CACNA2D3: variants seen among roughly 807,000 people sequenced by gnomAD.
CACNA2D3 encodes calcium voltage-gated channel auxiliary subunit alpha2delta 3.
A neutral mutation model predicts 160.6 loss-of-function variants in CACNA2D3; 60 were observed. That is an observed-to-expected ratio of 0.37 (90% CI 0.30 to 0.46). CACNA2D3 has a LOEUF of 0.46. CACNA2D3 is among the 20% of genes least tolerant of loss of function. The pLI is 1.00. For missense variants in CACNA2D3, 1,205 were observed against 1,365.0 expected, an observed-to-expected ratio of 0.88 and a Z score of 1.85; for synonymous variants, 558 against 492.9, an observed-to-expected ratio of 1.13 and a Z score of -1.75.
At chr3:54,706,924 C>A (rs1559554623) in intron 11 of CACNA2D3, among the ~76,000 whole-genome samples, 1 of 152,256 alleles carries the variant, frequency 6.6e-6, no homozygotes, top group African/African-American at 2.4e-5. Flanking sequence ...TTCCCTACCT[C>A]TGTTTCTGGC....
intron 4 of CACNA2D3, among the ~76,000 whole-genome samples, chr3:54,426,344 G>T (rs1315878485): frequency 6.6e-6 from 1 of 152,064 alleles, no homozygotes; most frequent in South Asian, 2.1e-4. Context: ...TTAGCCTTCC[G>T]TCTTTGTTAT....
chr3:54,837,758 T>C (rs1404812979), intron 15 of CACNA2D3, among the ~76,000 whole-genome samples: 1 of 152,188 alleles, frequency 6.6e-6, no homozygotes, highest in Non-Finnish European at 1.5e-5. Flanking sequence ...CTCCAATCTC[T>C]GCCTCTGTTT....
chr3:55,074,256 A>AAATC lies in CACNA2D3; in HGVS notation c.*52_*55dup, dbSNP rs1704897197. ...GACTGAGATGTTCTCTTGGCATGCTAAATCATGGATAAACTGTGAACCAAA... is the reference window on the plus strand; with the variant it reads ...GACTGAGATGTTCTCTTGGCATGCTAAATCAATCATGGATAAACTGTGAACCAAA... On this transcript the variant is annotated 3_prime_UTR_variant, in exon 38 of 38. Transcript: ENST00000474759. The AAATC allele has an allele frequency of 2.1e-6, 3 of 1,459,808 alleles. No homozygotes were observed. The highest frequency in any genetic ancestry group is 1.9e-6 in the Non-Finnish European group (2 of 1,038,614). 90.4% of individuals were successfully genotyped at this position (1,459,808 alleles called of 1,614,324 possible). A position where few individuals can be genotyped will look rare whatever the true frequency, so the allele number is the denominator to read the frequency against.
intron 5 of CACNA2D3, among the ~76,000 whole-genome samples, chr3:54,530,274 C>T (rs936972815): frequency 3.3e-5 from 5 of 152,282 alleles, no homozygotes; most frequent in South Asian, 2.1e-4. Context: ...GTTCTGCCTG[C>T]GCTGCTGGTG....
At chr3:54,790,767 C>T (rs542238116) in intron 13 of CACNA2D3, among the ~76,000 whole-genome samples, 127 of 152,294 alleles carry the variant, frequency 8.3e-4, no homozygotes, top group African/African-American at 2.9e-3. Flanking sequence ...CCTAGTGACT[C>T]ACTGAGCTGG....
chr3:54,897,019 A>G lies in CACNA2D3; in HGVS notation c.2368+149A>G, dbSNP rs753409178. The G allele has an allele frequency of 4.9e-5, 43 of 871,428 alleles. 1 individual carries two copies. The highest frequency in any genetic ancestry group is 1.0e-4 in the South Asian group (6 of 58,634). 54.0% of individuals were successfully genotyped at this position (871,428 alleles called of 1,614,324 possible). ...CTGAATATTGGGTCAGCCCTGAACCAGTGACCAGTTCCATAAGAGTAATAG... is the reference window on the plus strand; with the variant it reads ...CTGAATATTGGGTCAGCCCTGAACCGGTGACCAGTTCCATAAGAGTAATAG... On this transcript the variant is annotated intron_variant, in intron 26 of 37. Transcript: ENST00000474759.
At chr3:55,056,041 C>T (rs1325789195) in intron 35 of CACNA2D3, among the ~76,000 whole-genome samples, 2 of 151,990 alleles carry the variant, frequency 1.3e-5, no homozygotes, top group African/African-American at 4.8e-5. Flanking sequence ...TGTTTGTAAG[C>T]CATATACCAG....
intron 3 of CACNA2D3, among the ~76,000 whole-genome samples, chr3:54,360,434 T>C (rs956192072): frequency 6.6e-6 from 1 of 152,230 alleles, no homozygotes; most frequent in African/African-American, 2.4e-5. Flanking sequence ...AATCTGCCTT[T>C]TCAGCTCTGA....
At position 55,004,950 on chromosome 3, in the gene CACNA2D3, A is replaced by C. The variant is rs76175939; in HGVS notation, c.2766+112A>C. 5.1e-3 allele frequency: 3,664 copies of C among 721,590 alleles called. 116 individuals are homozygous for C. The African/African-American group carries it at 0.059, about 12-fold the overall frequency. 44.7% of individuals were successfully genotyped at this position (721,590 alleles called of 1,614,324 possible). A position where few individuals can be genotyped will look rare whatever the true frequency, so the allele number is the denominator to read the frequency against. ...AAGTTTATCTTTTTGCAAAATCATGAACATTTTGACTTTACTCACTTAAAA... is the reference window on the plus strand; with the variant it reads ...AAGTTTATCTTTTTGCAAAATCATGCACATTTTGACTTTACTCACTTAAAA... On this transcript the variant is annotated intron_variant, in intron 32 of 37. Transcript: ENST00000474759.
intron 31 of CACNA2D3, among the ~76,000 whole-genome samples, chr3:54,997,616 T>G (rs544559834): frequency 6.8e-6 from 1 of 147,518 alleles, no homozygotes. Flanking sequence ...GTCCTAGCTA[T>G]CCAGGAGGCT....
intron 11 of CACNA2D3, among the ~76,000 whole-genome samples, chr3:54,750,369 T>G (rs1701834354): frequency 6.6e-6 from 1 of 152,176 alleles, no homozygotes; most frequent in Admixed American, 6.5e-5. Flanking sequence ...TTTTTGTCGG[T>G]CTAGTGTTTC....
At chr3:54,534,891 C>T (rs1559506646) in intron 5 of CACNA2D3, among the ~76,000 whole-genome samples, 2 of 152,302 alleles carry the variant, frequency 1.3e-5, no homozygotes, top group Non-Finnish European at 2.9e-5. Flanking sequence ...TGCACCACTG[C>T]ACTGCAGCCT....
chr3:54,280,625 G>A (rs978488739), intron 2 of CACNA2D3, among the ~76,000 whole-genome samples: 1 of 152,168 alleles, frequency 6.6e-6, no homozygotes, highest in African/African-American at 2.4e-5. Flanking sequence ...CCCCGCCACA[G>A]TTTGGAGCAT....
At chr3:54,293,563 T>TTATATATATATATATA (rs35283142) in intron 2 of CACNA2D3, among the ~76,000 whole-genome samples, 27 of 149,814 alleles carry the variant, frequency 1.8e-4, no homozygotes, top group Middle Eastern at 3.4e-3. Context: ...TAATATTCTA[T>TTATATATATATATATA]TATATATATA....
chr3:54,614,083 T>C (rs1040186034), intron 9 of CACNA2D3, among the ~76,000 whole-genome samples: 3 of 152,206 alleles, frequency 2.0e-5, no homozygotes, highest in African/African-American at 7.2e-5. Context: ...CATGTTGTAC[T>C]TGGTGGCTTC....
intron 3 of CACNA2D3, among the ~76,000 whole-genome samples, chr3:54,380,298 C>T (rs1290692288): frequency 6.6e-6 from 1 of 152,184 alleles, no homozygotes; most frequent in Non-Finnish European, 1.5e-5. Context: ...TTTGTGACTG[C>T]AGAGAGGACT....
At chr3:54,341,497 A>T (rs1314533596) in intron 3 of CACNA2D3, among the ~76,000 whole-genome samples, 2 of 152,198 alleles carry the variant, frequency 1.3e-5, no homozygotes, top group African/African-American at 4.8e-5. Flanking sequence ...GTTTCCTCTG[A>T]CCTGAAGGGG....
chr3:54,811,465 C>CTTTTTTTTTT (rs71096451), intron 13 of CACNA2D3, among the ~76,000 whole-genome samples: 10 of 111,614 alleles, frequency 9.0e-5, no homozygotes, highest in East Asian at 3.0e-4. Context: ...TCCCTCAGTT[C>CTTTTTTTTTT]TTTTTTTTTT....
intron 2 of CACNA2D3, among the ~76,000 whole-genome samples, chr3:54,177,138 T>C (rs1700694161): frequency 6.6e-6 from 1 of 152,192 alleles, no homozygotes; most frequent in African/African-American, 2.4e-5. Flanking sequence ...GTAAATCCAT[T>C]GTATCTGCTC....
Sources: gnomAD v4.1 joint callset for allele counts (sites outside exome capture counted in the v4.1 genomes callset) on GRCh38, gnomAD v4.1.1 for gene constraint, MANE v1.5 for transcripts, NCBI Gene and HGNC (gene_info 2026-07-23, HGNC 2026-07-21) for gene names.